Variants in B3GALT1 observed in about 807,000 individuals in gnomAD.
B3GALT1 encodes the protein beta-1,3-galactosyltransferase 1.
In B3GALT1, 10 loss-of-function variants were observed where a neutral mutation model predicts 23.2. The ratio of observed to expected loss-of-function variants is 0.43; its 90% CI spans 0.27 to 0.73. The LOEUF (loss-of-function observed/expected upper bound fraction) is 0.73. B3GALT1 is among the 30% of genes least tolerant of loss of function. B3GALT1 has a pLI of 0.21. For synonymous variants in B3GALT1, 156 were observed against 141.5 expected (o/e 1.10, Z -0.73); for missense variants, 299 against 405.4 (o/e 0.74, Z 2.25).
At chr2:167,613,734 C>G (rs1010833862) in intron 2 of B3GALT1, among the ~76,000 whole-genome samples, 2 of 151,740 alleles carry the variant, frequency 1.3e-5, no homozygotes, top group Non-Finnish European at 1.5e-5. Context: ...TACCACAAAA[C>G]TTCTCTATAC....
chr2:167,757,346 A>G (rs1687834532), intron 3 of B3GALT1, among the ~76,000 whole-genome samples: 1 of 152,068 alleles, frequency 6.6e-6, no homozygotes, highest in African/African-American at 2.4e-5. Flanking sequence ...GGGTGACAAA[A>G]TCCACTGTTT....
intron 2 of B3GALT1, among the ~76,000 whole-genome samples, chr2:167,571,456 C>A (rs1000279604): frequency 1.3e-5 from 2 of 151,808 alleles, no homozygotes; most frequent in Non-Finnish European, 2.9e-5. Context: ...CTTGAGTATT[C>A]TGTGTTTCTA....
chr2:167,747,375 A>G (rs1417343136), intron 3 of B3GALT1, among the ~76,000 whole-genome samples: 1 of 152,236 alleles, frequency 6.6e-6, no homozygotes, highest in Admixed American at 6.5e-5. Flanking sequence ...GCTATCATTC[A>G]TTAACATCAT....
chr2:167,565,905 A>G (rs900352890), intron 2 of B3GALT1, among the ~76,000 whole-genome samples: 3 of 152,004 alleles, frequency 2.0e-5, no homozygotes, highest in African/African-American at 7.3e-5. Context: ...TGTTGGTGGG[A>G]CTGTAAACTA....
At chr2:167,797,370 T>C (rs1214585623) in intron 3 of B3GALT1, among the ~76,000 whole-genome samples, 6 of 152,260 alleles carry the variant, frequency 3.9e-5, no homozygotes, top group African/African-American at 1.2e-4. Context: ...CTTTATCCAG[T>C]CTATCATTGA....
In B3GALT1 at chr2:167,828,806, C is replaced by T. The variant is rs113336990; in HGVS notation, c.-230+10013C>T. On this transcript the variant is annotated intron_variant, in intron 4 of 4. Transcript: ENST00000392690. ...GATCTTCATTTTGCAGATTAGGAAA[C>T]GGGCCTATAGAGGTTGCAGAACATT... Among the ~76,000 whole-genome samples, 251 of 152,252 alleles carry T rather than the reference C, an allele frequency of 1.6e-3. 2 individuals are homozygous for T. The highest frequency in any genetic ancestry group is 5.9e-3 in the African/African-American group (245 of 41,554).
chr2:167,669,720 A>G (rs186178839), intron 3 of B3GALT1, among the ~76,000 whole-genome samples: 1 of 152,220 alleles, frequency 6.6e-6, no homozygotes, highest in South Asian at 2.1e-4. Context: ...TTCTGAGAAG[A>G]TAACCAATTT....
intron 2 of B3GALT1, among the ~76,000 whole-genome samples, chr2:167,576,520 G>GTTTTTTTTTTGTTTTTTTT (rs1558912483): frequency 3.3e-5 from 4 of 122,422 alleles, no homozygotes; most frequent in Non-Finnish European, 5.3e-5. Context: ...TTGTTTTTCT[G>GTTTTTTTTTTGTTTTTTTT]TTTTTTTTTT....
intron 2 of B3GALT1, among the ~76,000 whole-genome samples, chr2:167,503,838 A>G (rs975822881): frequency 1.3e-5 from 2 of 152,196 alleles, no homozygotes; most frequent in African/African-American, 4.8e-5. Context: ...CCTTCATTGT[A>G]TTAAAATTTC....
intron 2 of B3GALT1, among the ~76,000 whole-genome samples, chr2:167,559,497 C>T (rs569699180): frequency 2.7e-4 from 41 of 152,210 alleles, no homozygotes; most frequent in African/African-American, 5.1e-4. Context: ...TTCAGACGAT[C>T]GAACTACTCC....
At position 167,486,868 on chromosome 2, in the gene B3GALT1, G is replaced by GA; in HGVS notation, c.-510-3304dup. On this transcript the variant is annotated intron_variant, in intron 1 of 4. Coordinates refer to ENST00000392690, the MANE Select transcript of B3GALT1 (RefSeq NM_020981.4). ...GGGAGAGTAGAAATTGGAGAAGAAG[G>GA]AAAAATCACACAAGAATGTTGGGAA... Among the ~76,000 whole-genome samples, 2 of 151,192 alleles carry GA rather than the reference G, an allele frequency of 1.3e-5. 1 individual carries two copies. The highest frequency in any genetic ancestry group is 4.2e-4 in the South Asian group (2 of 4,810).
intron 2 of B3GALT1, chr2:167,631,475 ATT>A (rs1339253858): frequency 2.0e-5 from 3 of 151,946 alleles, no homozygotes; most frequent in East Asian, 3.9e-4. Flanking sequence ...ATAGATAAGT[ATT>A]TTTATGGTTT....
chr2:167,723,266 G>A (rs944039804), intron 3 of B3GALT1, among the ~76,000 whole-genome samples: 7 of 152,194 alleles, frequency 4.6e-5, no homozygotes, highest in African/African-American at 1.7e-4. Context: ...ACATTGGAAT[G>A]AATGTTAGAA....
At chr2:167,646,744 G>A (rs566723690) in intron 2 of B3GALT1, among the ~76,000 whole-genome samples, 165 bp from the exon 3 acceptor site, 2 of 152,246 alleles carry the variant, frequency 1.3e-5, no homozygotes, top group African/African-American at 4.8e-5. Context: ...GTAATGGCCC[G>A]ACAAATGATT....
chr2:167,408,684 AT>A (rs1466582877), intron 1 of B3GALT1, among the ~76,000 whole-genome samples: 1 of 152,158 alleles, frequency 6.6e-6, no homozygotes, highest in African/African-American at 2.4e-5. Context: ...TAACACTTAT[AT>A]ATGGCCAACA....
intron 2 of B3GALT1, among the ~76,000 whole-genome samples, chr2:167,629,475 A>G (rs1283442992): frequency 6.6e-6 from 1 of 151,734 alleles, no homozygotes; most frequent in African/African-American, 2.4e-5. Context: ...TATACACTCC[A>G]TTCTCATACA....
chr2:167,334,408 TTGA>T (rs1250636566), intron 1 of B3GALT1, among the ~76,000 whole-genome samples: 1 of 152,186 alleles, frequency 6.6e-6, no homozygotes, highest in Non-Finnish European at 1.5e-5. Flanking sequence ...TTAAAGACAG[TTGA>T]TGAAGCATGA....
intron 3 of B3GALT1, among the ~76,000 whole-genome samples, chr2:167,650,513 C>G (rs1252942313): frequency 6.6e-6 from 1 of 151,868 alleles, no homozygotes; most frequent in African/African-American, 2.4e-5. Context: ...CTTTATCTGG[C>G]TCTGATATCA....
intron 1 of B3GALT1, among the ~76,000 whole-genome samples, chr2:167,458,154 C>A (rs938805086): frequency 6.6e-6 from 1 of 152,138 alleles, no homozygotes; most frequent in African/African-American, 2.4e-5. Flanking sequence ...ACAACCACCA[C>A]CCTACTTTTT....
Sources: gnomAD v4.1 joint callset for allele counts (sites outside exome capture counted in the v4.1 genomes callset) on GRCh38, gnomAD v4.1.1 for gene constraint, MANE v1.5 for transcripts, NCBI Gene and HGNC (gene_info 2026-07-23, HGNC 2026-07-21) for gene names.